Variants in IFTAP observed in about 807,000 individuals in gnomAD.
IFTAP encodes the protein intraflagellar transport-associated protein.
In IFTAP, 19 loss-of-function variants were observed where a neutral mutation model predicts 19.4. That is an observed-to-expected ratio of 0.98 (90% CI 0.68 to 1.44). IFTAP has a LOEUF of 1.44. IFTAP is among the 40% of genes most tolerant of loss of function. IFTAP has a pLI of 0.00. For missense variants in IFTAP, 240 were observed against 253.6 expected (o/e 0.95, Z 0.36); for synonymous variants, 85 against 83.5 (o/e 1.02, Z -0.10).
intron 5 of IFTAP, among the ~76,000 whole-genome samples, chr11:36,649,510 A>G (rs1181589451): frequency 6.6e-6 from 1 of 152,168 alleles, no homozygotes. Context: ...TAGACATGGC[A>G]CCTAGTACTT....
At position 36,655,689 on chromosome 11, in the gene IFTAP, G is replaced by A. The variant is rs116067180; in HGVS notation, c.499-3330G>A. On this transcript the variant is annotated intron_variant, in intron 5 of 5. Coordinates refer to ENST00000334307, the MANE Select transcript of IFTAP (RefSeq NM_138787.4). ...CATGTTTTGGCATTGCAAATGTGAC[G>A]TTATTACTATTTTTTATTTCTTGCT... Among the ~76,000 whole-genome samples, 1,490 of 152,212 alleles carry A rather than the reference G, an allele frequency of 9.8e-3. 23 individuals carry two copies. Among genetic ancestry groups the A allele is most frequent in the African/African-American group, 0.034 (1,403 of 41,534 alleles).
At chr11:36,597,168 G>A (rs1214479522) in intron 1 of IFTAP, among the ~76,000 whole-genome samples, 2 of 152,116 alleles carry the variant, frequency 1.3e-5, no homozygotes, top group Non-Finnish European at 2.9e-5. Flanking sequence ...CATTGAAAGT[G>A]TTTTCACATG....
At chr11:36,626,341 T>C (rs1243286355) in intron 2 of IFTAP, among the ~76,000 whole-genome samples, 2 of 151,396 alleles carry the variant, frequency 1.3e-5, no homozygotes, top group Non-Finnish European at 2.9e-5. Context: ...TAAAGTGTTA[T>C]GTCTTTGAGT....
intron 1 of IFTAP, among the ~76,000 whole-genome samples, chr11:36,603,495 G>T (rs1207748553): frequency 6.6e-6 from 1 of 152,104 alleles, no homozygotes; most frequent in Non-Finnish European, 1.5e-5. Context: ...TTCACAGGAG[G>T]TTCCAAAGAG....
intron 3 of IFTAP, 56 bp downstream of exon 3, chr11:36,633,494 TG>T: frequency 7.5e-7 from 1 of 1,338,586 alleles, no homozygotes; most frequent in East Asian, 2.6e-5. Context: ...GAATTCTTCA[TG>T]AATCAAAAAA....
At chr11:36,616,777 G>T (rs1263440268) in intron 2 of IFTAP, among the ~76,000 whole-genome samples, 2 of 151,840 alleles carry the variant, frequency 1.3e-5, no homozygotes, top group African/African-American at 4.8e-5. Context: ...GTAGCTACTA[G>T]CAACATGTAG....
intron 5 of IFTAP, among the ~76,000 whole-genome samples, chr11:36,651,260 AG>A (rs1853712031): frequency 6.6e-6 from 1 of 152,166 alleles, no homozygotes; most frequent in South Asian, 2.1e-4. Flanking sequence ...AACTGGTGTG[AG>A]ATGGTATCTC....
intron 1 of IFTAP, among the ~76,000 whole-genome samples, chr11:36,607,628 A>T (rs1014032902): frequency 2.0e-5 from 3 of 151,820 alleles, no homozygotes; most frequent in South Asian, 4.1e-4. Context: ...GTATTTTGGA[A>T]TTGAGGTTAA....
At chr11:36,637,006 G>T (rs1364539854) in intron 4 of IFTAP, among the ~76,000 whole-genome samples, 1 of 151,794 alleles carries the variant, frequency 6.6e-6, no homozygotes, top group Non-Finnish European at 1.5e-5. Flanking sequence ...TTACAGAAGG[G>T]GCAGTTTCCA....
intron 2 of IFTAP, among the ~76,000 whole-genome samples, chr11:36,629,875 G>A (rs146835127): frequency 7.1e-4 from 107 of 151,440 alleles, no homozygotes; most frequent in Non-Finnish European, 9.0e-4. Context: ...CGTCTCATCT[G>A]TATTGAAGTT....
intron 5 of IFTAP, among the ~76,000 whole-genome samples, chr11:36,651,165 C>T (rs1333492271): frequency 2.6e-5 from 4 of 152,178 alleles, no homozygotes; most frequent in Admixed American, 2.0e-4. Context: ...AGTTTACAGT[C>T]CCACCAACAG....
At chr11:36,647,958 A>G in intron 4 of IFTAP, 58 bp from the exon 5 acceptor site, 2 of 1,576,014 alleles carry the variant, frequency 1.3e-6, no homozygotes, top group Non-Finnish European at 1.7e-6. Context: ...CATTTAAATG[A>G]TTTAGGTAAA....
chr11:36,648,413 G>A (rs745977871), intron 5 of IFTAP: 6 of 334,552 alleles, frequency 1.8e-5, no homozygotes, highest in Non-Finnish European at 2.2e-5. Context: ...GCTACCCAAG[G>A]ACTACACAAT....
intron 4 of IFTAP, among the ~76,000 whole-genome samples, chr11:36,646,270 C>T (rs557135719): frequency 2.0e-5 from 3 of 152,254 alleles, no homozygotes; most frequent in South Asian, 2.1e-4. Context: ...CTGACGTTTG[C>T]GCTGTCAGCC....
At chr11:36,594,961 C>T (rs1359650443) in intron 1 of IFTAP, 1 of 152,226 alleles carries the variant, frequency 6.6e-6, no homozygotes, top group Non-Finnish European at 1.5e-5. Flanking sequence ...TTACAAAAGC[C>T]GTGACTGTCT....
intron 2 of IFTAP, among the ~76,000 whole-genome samples, chr11:36,627,309 C>T (rs1452988364): frequency 6.6e-6 from 1 of 150,976 alleles, no homozygotes; most frequent in Non-Finnish European, 1.5e-5. Flanking sequence ...GAATTGTACA[C>T]TTAAAATGAG....
At chr11:36,596,168 T>G (rs1386779093) in intron 1 of IFTAP, among the ~76,000 whole-genome samples, 1 of 151,790 alleles carries the variant, frequency 6.6e-6, no homozygotes, top group Non-Finnish European at 1.5e-5. Flanking sequence ...CAAAGATTCC[T>G]TGGACTATTT....
chr11:36,655,258 G>A (rs1024970362), intron 5 of IFTAP, among the ~76,000 whole-genome samples: 3 of 151,972 alleles, frequency 2.0e-5, no homozygotes, highest in South Asian at 2.1e-4. Context: ...GAAACTCCCC[G>A]TCAGCAAAGC....
intron 1 of IFTAP, among the ~76,000 whole-genome samples, chr11:36,595,600 A>G (rs1343174945): frequency 3.9e-5 from 6 of 152,226 alleles, no homozygotes; most frequent in East Asian, 1.9e-4. Context: ...CACTAACTAC[A>G]TGACTTTGGG....
Sources: allele counts gnomAD v4.1 joint callset (sites outside exome capture counted in the v4.1 genomes callset), GRCh38; gene constraint gnomAD v4.1.1; transcripts MANE v1.5; gene names NCBI Gene and HGNC (gene_info 2026-07-23, HGNC 2026-07-21).